DPP6: variants seen among roughly 807,000 people sequenced by gnomAD.
DPP6 encodes dipeptidyl peptidase like 6.
A neutral mutation model predicts 122.6 loss-of-function variants in DPP6; 69 were observed. The observed-to-expected ratio is 0.56, with a 90% CI of 0.46 to 0.69. The LOEUF is 0.69. Among genes scored for constraint, DPP6 ranks in the 30% least tolerant of loss-of-function variants. The pLI, the probability that DPP6 is intolerant of heterozygous loss-of-function variation, is 0.00. For missense variants in DPP6, 928 were observed against 1,116.9 expected, an observed-to-expected ratio of 0.83 and a Z score of 2.41; for synonymous variants, 418 against 433.1, an observed-to-expected ratio of 0.97 and a Z score of 0.43.
At chr7:154,855,189 G>A (rs183845675) in intron 17 of DPP6, among the ~76,000 whole-genome samples, 4 of 152,224 alleles carry the variant, frequency 2.6e-5, no homozygotes, top group East Asian at 1.9e-4. Flanking sequence ...AAATAGATTC[G>A]TTTAAAGAGA....
At chr7:153,774,732 A>C in the DPP6 span, among the ~76,000 whole-genome samples, 1 of 152,120 alleles carries the variant, frequency 6.6e-6, no homozygotes, top group South Asian at 2.1e-4. Flanking sequence ...TGGGAGGCTG[A>C]GGTGGGAGGA....
chr7:154,440,612 C>T (rs566238866), intron 1 of DPP6, among the ~76,000 whole-genome samples: 17 of 152,134 alleles, frequency 1.1e-4, no homozygotes, highest in Non-Finnish European at 2.4e-4. Flanking sequence ...ATAGTTATAT[C>T]GTAGAAAAGG....
intron 1 of DPP6, among the ~76,000 whole-genome samples, chr7:154,152,767 T>C (rs1217983951): frequency 6.6e-6 from 1 of 152,182 alleles, no homozygotes; most frequent in Non-Finnish European, 1.5e-5. Context: ...GGGGACTCTG[T>C]AGCTACAGCA....
At chr7:154,021,249 C>T (rs1181874925) in intron 1 of DPP6, among the ~76,000 whole-genome samples, 4 of 152,088 alleles carry the variant, frequency 2.6e-5, no homozygotes, top group Non-Finnish European at 5.9e-5. Flanking sequence ...AACAGCCGTG[C>T]GAGACTGATT....
At chr7:154,753,816 G>A (rs752834338) in intron 8 of DPP6, among the ~76,000 whole-genome samples, 6 of 152,092 alleles carry the variant, frequency 3.9e-5, no homozygotes, top group African/African-American at 7.2e-5. Context: ...AGCGGCATGC[G>A]GACATCTGTG....
chr7:154,383,627 C>T (rs141785588), intron 1 of DPP6, among the ~76,000 whole-genome samples: 13,235 of 152,126 alleles, frequency 0.087, 649 homozygotes, highest in African/African-American at 0.11. Context: ...CAGTGGCTCA[C>T]GCCTGTAATC....
intron 8 of DPP6, among the ~76,000 whole-genome samples, chr7:154,737,937 C>A (rs1455768858): frequency 6.6e-6 from 1 of 152,198 alleles, no homozygotes; most frequent in African/African-American, 2.4e-5. Flanking sequence ...AAACTTCAGG[C>A]ACCTTTCTCA....
intron 1 of DPP6, among the ~76,000 whole-genome samples, chr7:154,340,424 A>G (rs1437666550): frequency 1.3e-5 from 2 of 152,168 alleles, no homozygotes; most frequent in Non-Finnish European, 2.9e-5. Context: ...CTCCATCCCC[A>G]GCTTTCAGCA....
At chr7:154,170,553 C>A (rs1208763162) in intron 1 of DPP6, among the ~76,000 whole-genome samples, 1 of 152,148 alleles carries the variant, frequency 6.6e-6, no homozygotes, top group Non-Finnish European at 1.5e-5. Context: ...TGATGTCAGG[C>A]CTGAATAGAG....
the DPP6 span, among the ~76,000 whole-genome samples, chr7:153,784,326 G>A: frequency 1.3e-5 from 2 of 152,222 alleles, no homozygotes; most frequent in Non-Finnish European, 2.9e-5. Flanking sequence ...AGAAGATGGA[G>A]TTCTTGAATT....
At chr7:154,585,780 C>T (rs1392772629) in intron 5 of DPP6, among the ~76,000 whole-genome samples, 1 of 152,064 alleles carries the variant, frequency 6.6e-6, no homozygotes, top group Non-Finnish European at 1.5e-5. Context: ...TCTTTCTTCC[C>T]GAATCTTTTT....
rs893251062 is a variant in DPP6 at position 154,618,914 on chromosome 7, C to T, written c.628-18907C>T. ...TGAATTGTAGCTCCCATTATCCCTA[C>T]ATGTTGTAGGAGGGACCTGGTAGGA... On this transcript the variant is annotated intron_variant, in intron 5 of 25. Coordinates refer to ENST00000377770, the MANE Select transcript of DPP6 (RefSeq NM_130797.4). This position sits in a 1 kb window ranked among gnomAD's most constrained non-coding sequence, Gnocchi z 4.1. 6.6e-6 allele frequency among the ~76,000 whole-genome samples: 1 copy of T among 152,190 alleles called. No individual in the cohort carries two copies. Among genetic ancestry groups the T allele is most frequent in the African/African-American group, 2.4e-5 (1 of 41,440 alleles).
At chr7:153,827,937 G>A in the DPP6 span, among the ~76,000 whole-genome samples, 207 of 152,302 alleles carry the variant, frequency 1.4e-3, no homozygotes, top group African/African-American at 4.8e-3. Context: ...TAGTAGAGTC[G>A]GGATGGTCAC....
intron 1 of DPP6, among the ~76,000 whole-genome samples, chr7:154,243,017 G>T (rs1476177666): frequency 1.3e-5 from 2 of 152,138 alleles, no homozygotes; most frequent in East Asian, 1.9e-4. Context: ...AGCAGTAAAA[G>T]CTATACCCTC....
At chr7:154,362,295 G>A (rs1811795846) in intron 1 of DPP6, among the ~76,000 whole-genome samples, 1 of 152,186 alleles carries the variant, frequency 6.6e-6, no homozygotes, top group Admixed American at 6.5e-5. Context: ...CAGGGCTCCT[G>A]CAAGTGGGAT....
chr7:154,801,017 A>G (rs1009276390), intron 12 of DPP6, among the ~76,000 whole-genome samples: 1 of 151,778 alleles, frequency 6.6e-6, no homozygotes, highest in African/African-American at 2.4e-5. Context: ...CCTCCTTTTG[A>G]GTTTTGAGAG....
chr7:154,053,425 C>T (rs1034348256), intron 1 of DPP6, among the ~76,000 whole-genome samples: 4 of 151,818 alleles, frequency 2.6e-5, no homozygotes, highest in African/African-American at 9.7e-5. Flanking sequence ...CCTGTGCTTA[C>T]GAGTTGGTTT....
At chr7:154,020,746 A>G (rs1454976099) in intron 1 of DPP6, among the ~76,000 whole-genome samples, 1 of 152,128 alleles carries the variant, frequency 6.6e-6, no homozygotes, top group African/African-American at 2.4e-5. Flanking sequence ...GCTATGTAAC[A>G]CATGGGGCAA....
chr7:154,482,990 G>A lies in DPP6; in HGVS notation c.457+7953G>A, dbSNP rs573285946. Among the ~76,000 whole-genome samples the A allele has an allele frequency of 6.6e-5, 10 of 152,226 alleles. 1 individual carries two copies. Among genetic ancestry groups the A allele is most frequent in the East Asian group, 3.9e-4 (2 of 5,184 alleles). The stretch of plus-strand genomic sequence containing the variant: ...GAGCAATAACTCGGTGGAAATGTTC[G>A]TTAGGTATTGAGAACTGGGGATGAA... On this transcript the variant is annotated intron_variant, in intron 3 of 25. Coordinates refer to ENST00000377770, the MANE Select transcript of DPP6 (RefSeq NM_130797.4).
Sources: gnomAD v4.1 joint callset for allele counts (sites outside exome capture counted in the v4.1 genomes callset) on GRCh38, gnomAD v4.1.1 for gene constraint, Gnocchi (gnomAD v3.1) non-coding constraint, MANE v1.5 for transcripts, NCBI Gene and HGNC (gene_info 2026-07-23, HGNC 2026-07-21) for gene names.